Variants in SUDS3 observed in about 807,000 individuals in gnomAD.
SUDS3 encodes the protein SIN3A corepressor complex component SDS3.
A neutral mutation model predicts 53.5 loss-of-function variants in SUDS3; 23 were observed. That is an observed-to-expected ratio of 0.43 (90% confidence interval 0.31 to 0.61). The LOEUF is 0.61. Among genes scored for constraint, SUDS3 ranks in the 20% least tolerant of loss-of-function variants. SUDS3 has a pLI of 0.10. For missense variants in SUDS3, 291 were observed against 405.9 expected, an observed-to-expected ratio of 0.72 and a Z score of 2.43; for synonymous variants, 150 against 148.5, an observed-to-expected ratio of 1.01 and a Z score of -0.08.
intron 4 of SUDS3, 75 bp downstream of exon 4, chr12:118,386,260 C>T: frequency 4.2e-6 from 5 of 1,179,026 alleles, no homozygotes; most frequent in South Asian, 1.4e-5. Context: ...TAATGCAGCC[C>T]TAAGAGCTAT....
chr12:118,376,971 C>G, intron 1 of SUDS3, 138 bp downstream of exon 1: 2 of 1,159,264 alleles, frequency 1.7e-6, no homozygotes, highest in Non-Finnish European at 2.3e-6. Context: ...TTGCGGGGCT[C>G]GGGGAAGTTA....
At chr12:118,383,862 T>A in intron 2 of SUDS3, 150 bp from the exon 3 acceptor site, 1 of 641,016 alleles carries the variant, frequency 1.6e-6, no homozygotes, top group Non-Finnish European at 2.7e-6. Flanking sequence ...TGGTGCATTT[T>A]AAGCCAGCAA....
At chr12:118,402,855 G>C (rs1433135238) in intron 9 of SUDS3, among the ~76,000 whole-genome samples, 1 of 151,984 alleles carries the variant, frequency 6.6e-6, no homozygotes, top group African/African-American at 2.4e-5. Context: ...CCGACTCCCA[G>C]GTTCAAGTGA....
intron 10 of SUDS3, among the ~76,000 whole-genome samples, chr12:118,410,740 G>C (rs1237922363): frequency 6.6e-6 from 1 of 151,980 alleles, no homozygotes; most frequent in Non-Finnish European, 1.5e-5. Flanking sequence ...GGGACTATAG[G>C]CACCTGCCAC....
At chr12:118,386,551 T>G (rs2046116571) in intron 4 of SUDS3, among the ~76,000 whole-genome samples, 1 of 151,104 alleles carries the variant, frequency 6.6e-6, no homozygotes, top group Non-Finnish European at 1.5e-5. Flanking sequence ...CATTTTAAGT[T>G]TTTTTTTTTG....
intron 4 of SUDS3, among the ~76,000 whole-genome samples, chr12:118,386,755 T>C (rs754380816): frequency 1.2e-4 from 19 of 152,302 alleles, no homozygotes; most frequent in Non-Finnish European, 2.1e-4. Flanking sequence ...GCTTTGACTT[T>C]AGGACACTTG....
chr12:118,396,998 A>T (rs1173748404), intron 6 of SUDS3, among the ~76,000 whole-genome samples: 1 of 152,170 alleles, frequency 6.6e-6, no homozygotes, highest in East Asian at 1.9e-4. Flanking sequence ...GAGAGGAGTT[A>T]TATGCCTAGT....
intron 6 of SUDS3, among the ~76,000 whole-genome samples, chr12:118,395,587 T>C (rs1421206320): frequency 6.6e-6 from 1 of 152,100 alleles, no homozygotes; most frequent in Admixed American, 6.5e-5. Context: ...GCTCACTGTT[T>C]ATTGCTCTCC....
rs2046389444 is a variant in SUDS3, at chr12:118,415,116, A to AT, written c.*683_*684insT. On this transcript the variant is annotated 3_prime_UTR_variant, in exon 12 of 12. Coordinates refer to ENST00000543473, the MANE Select transcript of SUDS3 (RefSeq NM_022491.3). The stretch of plus-strand genomic sequence containing the variant: ...TTCATATTTATAATGTGCTGAAGGT[A>AT]CCATATTTTAAATGTTATTTAATGC... 6.6e-6 allele frequency: 1 copy of AT among 152,234 alleles called. No homozygotes were observed. Among genetic ancestry groups the AT allele is most frequent in the South Asian group, 2.1e-4 (1 of 4,828 alleles). 9.4% of individuals were successfully genotyped at this position (152,234 alleles called of 1,614,324 possible).
intron 4 of SUDS3, 77 bp downstream of exon 4, chr12:118,386,262 A>G (rs984439282): frequency 4.3e-6 from 5 of 1,163,404 alleles, no homozygotes; most frequent in Non-Finnish European, 1.2e-6. Flanking sequence ...ATGCAGCCCT[A>G]AGAGCTATTC....
intron 6 of SUDS3, among the ~76,000 whole-genome samples, chr12:118,394,178 G>A (rs1237453563): frequency 1.3e-5 from 2 of 152,166 alleles, no homozygotes; most frequent in Non-Finnish European, 2.9e-5. Context: ...TTAAATCTGA[G>A]GTAGGGTTTT....
In SUDS3 at chr12:118,384,013, A is replaced by C. The variant is rs1593754330; in HGVS notation, c.214A>C (p.Met72Leu). Residue 72 changes from methionine to leucine, a missense_variant and splice_region_variant, in exon 3 of 12, where the codon ATG (methionine) becomes CTG (leucine). Around this residue, in one of 4 missense-constraint regions of SUDS3, gnomAD observed 149 missense variants for 146.5 expected, o/e 1.02. Transcript: ENST00000543473. ...EEDYVEMKEQ[M>L]YQDKLASLKR... ...AGTGTGACTTTTTTTTTTTTATAGG[A>C]TGTATCAGGACAAACTGGCTTCTCT... The C allele has an allele frequency of 5.0e-6, 8 of 1,609,280 alleles. No individual in the cohort carries two copies. Among genetic ancestry groups the C allele is most frequent in the Non-Finnish European group, 6.8e-6 (8 of 1,177,998 alleles).
At chr12:118,389,382 A>T (rs751033478) in intron 4 of SUDS3, among the ~76,000 whole-genome samples, 4 of 152,108 alleles carry the variant, frequency 2.6e-5, no homozygotes, top group Admixed American at 6.5e-5. Flanking sequence ...CCATCCTGCC[A>T]CTGTGGAGAC....
chr12:118,409,439 C>T (rs776088510), intron 10 of SUDS3, among the ~76,000 whole-genome samples: 8 of 152,202 alleles, frequency 5.3e-5, no homozygotes, highest in Non-Finnish European at 1.0e-4. Flanking sequence ...GCCACCACGC[C>T]CGGCCTAAAA....
At chr12:118,377,876 C>T (rs903246479) in intron 1 of SUDS3, among the ~76,000 whole-genome samples, 2 of 152,108 alleles carry the variant, frequency 1.3e-5, no homozygotes, top group African/African-American at 4.8e-5. Context: ...ATGTGGCTGA[C>T]CATGACAGGA....
intron 9 of SUDS3, among the ~76,000 whole-genome samples, chr12:118,403,110 A>G (rs1262408306): frequency 6.6e-6 from 1 of 152,200 alleles, no homozygotes; most frequent in Admixed American, 6.5e-5. Flanking sequence ...TTTGATCACC[A>G]GGGCTTTAGT....
intron 10 of SUDS3, among the ~76,000 whole-genome samples, chr12:118,407,574 G>A (rs2046318825): frequency 6.6e-6 from 1 of 152,146 alleles, no homozygotes; most frequent in African/African-American, 2.4e-5. Flanking sequence ...TCTTGGGTTT[G>A]GGTTCTAAGT....
At chr12:118,381,421 T>C (rs2046058270) in intron 2 of SUDS3, among the ~76,000 whole-genome samples, 1 of 152,066 alleles carries the variant, frequency 6.6e-6, no homozygotes, top group South Asian at 2.1e-4. Context: ...GTCGCTTTGT[T>C]GCCCAGGCTG....
rs1277121536 is a variant in SUDS3 at position 118,376,568 on chromosome 12, G to C, written c.-124G>C. The stretch of plus-strand genomic sequence containing the variant: ...GCGGAGCTCGGCGGAGACGGGGAAG[G>C]GGTCGCCGTGGCTGCCGGTCCTCGA... On this transcript the variant is annotated 5_prime_UTR_variant, in exon 1 of 12. Transcript: ENST00000543473. 8.4e-7 allele frequency: 1 copy of C among 1,197,066 alleles called. No homozygotes were observed. The highest frequency in any genetic ancestry group is 1.1e-6 in the Non-Finnish European group (1 of 948,870). 74.2% of individuals were successfully genotyped at this position (1,197,066 alleles called of 1,614,324 possible).
Sources: allele counts gnomAD v4.1 joint callset (sites outside exome capture counted in the v4.1 genomes callset), GRCh38; gene constraint gnomAD v4.1.1; regional missense constraint gnomAD v4.1.1; transcripts MANE v1.5; gene names NCBI Gene and HGNC (gene_info 2026-07-23, HGNC 2026-07-21).